GLUL: variants seen among roughly 807,000 people sequenced by gnomAD.
The protein encoded by GLUL is glutamate-ammonia ligase.
A neutral mutation model predicts 36.9 loss-of-function variants in GLUL; 8 were observed. That is an observed-to-expected ratio of 0.22 (90% CI 0.13 to 0.39). The LOEUF (loss-of-function observed/expected upper bound fraction) is 0.39. GLUL is among the 10% of genes least tolerant of loss of function. The pLI is 1.00. For missense variants in GLUL, 315 were observed against 501.8 expected (o/e 0.63, Z 3.56); for synonymous variants, 182 against 172.8 (o/e 1.05, Z -0.42).
In GLUL at chr1:182,387,112, T is replaced by A. The variant is rs17462824; in HGVS notation, c.328+19A>T. 1 of 1,591,416 alleles carries A rather than the reference T, an allele frequency of 6.3e-7. No individual in the cohort carries two copies. The highest frequency in any genetic ancestry group is 8.6e-7 in the Non-Finnish European group (1 of 1,159,722). ...TTCACAGATTGAGGAGGGGTATCCA[T>A]AGCTGTGCTATAACACACCTGCAGG... On this transcript the variant is annotated intron_variant, in intron 3 of 6. Coordinates refer to ENST00000331872, the MANE Select transcript of GLUL (RefSeq NM_001033044.4).
rs890819500 is a variant in GLUL at position 182,381,850 on chromosome 1, C to G, written c.*2555G>C. ...GGAAATAAGGGTATACATCATTTAA[C>G]AACAAAATCAAGAAAATGCTAAGGA... is the stretch of plus-strand genomic sequence containing the variant. On this transcript the variant is annotated 3_prime_UTR_variant, in exon 7 of 7. Transcript: ENST00000331872. 1 of 152,124 alleles carries G rather than the reference C, an allele frequency of 6.6e-6. No homozygotes were observed. Among genetic ancestry groups the G allele is most frequent in the Non-Finnish European group, 1.5e-5 (1 of 68,032 alleles). 9.4% of individuals were successfully genotyped at this position (152,124 alleles called of 1,614,324 possible). A position where few individuals can be genotyped will look rare whatever the true frequency, so the allele number is the denominator to read the frequency against.
chr1:182,386,472 G>A, intron 3 of GLUL, 70 bp from the exon 4 acceptor site: 2 of 1,131,696 alleles, frequency 1.8e-6, no homozygotes, highest in Non-Finnish European at 1.4e-6. Context: ...GATGCTGATG[G>A]GAGAATAGTC....
Position 182,382,031 on chromosome 1 carries a change from T to C in GLUL, c.*2374A>G, listed in dbSNP as rs774275913. On this transcript the variant is annotated 3_prime_UTR_variant, in exon 7 of 7. Coordinates refer to ENST00000331872, the MANE Select transcript of GLUL (RefSeq NM_001033044.4). ...GATATCTAGGATTACTTGACTAGTGTAAAATACACAGTTGCCTGAAGAACT... is the reference window on the plus strand; with the variant it reads ...GATATCTAGGATTACTTGACTAGTGCAAAATACACAGTTGCCTGAAGAACT... 1.6e-4 allele frequency: 24 copies of C among 152,182 alleles called. No individual in the cohort carries two copies. Among genetic ancestry groups the C allele is most frequent in the Non-Finnish European group, 3.2e-4 (22 of 68,052 alleles). 9.4% of individuals were successfully genotyped at this position (152,182 alleles called of 1,614,324 possible). A position where few individuals can be genotyped will look rare whatever the true frequency, so the allele number is the denominator to read the frequency against.
In GLUL at chr1:182,379,586, T is replaced by C. The variant is rs1649853083; in HGVS notation, c.*4819A>G. 6.6e-6 allele frequency among the ~76,000 whole-genome samples: 1 copy of C among 152,106 alleles called. No individual in the cohort carries two copies. Among genetic ancestry groups the C allele is most frequent in the Non-Finnish European group, 1.5e-5 (1 of 68,024 alleles). ...TTTTTTGAGACAGGGTCTCACTTTG[T>C]TGCCCAGACTGGAGGGCAGTGGCAC... is the stretch of plus-strand genomic sequence containing the variant. On this transcript the variant is annotated 3_prime_UTR_variant, in exon 7 of 7. Transcript: ENST00000331872.
At position 182,386,307 on chromosome 1, in the gene GLUL, T is replaced by G. The variant is rs768323027; in HGVS notation, c.424A>C (p.Thr142Pro). 4 of 1,613,470 alleles carry G rather than the reference T, an allele frequency of 2.5e-6. No individual in the cohort carries two copies. The African/African-American group carries it at 4.0e-5, about 16-fold the overall frequency. Reference sequence around the variant, plus strand: ...GGCCAACCAAAGGGGTGCCCATCTGTCCCCATGAGGGTATACTCCTGCTCC... The same window carrying G: ...GGCCAACCAAAGGGGTGCCCATCTGGCCCCATGAGGGTATACTCCTGCTCC... ...GMEQEYTLMG[T>P]DGHPFGWPSN... is the part of the protein sequence containing the mutation. The change falls in exon 4 of 7, where the codon ACA becomes CCA. Residue 142 changes from threonine (T) to proline (P), a missense_variant. Coordinates refer to ENST00000331872, the MANE Select transcript of GLUL (RefSeq NM_001033044.4).
At chr1:182,386,478 T>C (rs939899064) in intron 3 of GLUL, 76 bp from the exon 4 acceptor site, 81 of 1,095,768 alleles carry the variant, frequency 7.4e-5, no homozygotes, top group African/African-American at 1.7e-4. Flanking sequence ...GATGGGAGAA[T>C]AGTCCTTGGA....
At position 182,386,314 on chromosome 1, in the gene GLUL, G is replaced by A. The variant is rs921786395; in HGVS notation, c.417C>T (p.Leu139=). 3.1e-6 allele frequency: 5 copies of A among 1,613,170 alleles called. No homozygotes were observed. Among genetic ancestry groups the A allele is most frequent in the Admixed American group, 1.7e-5 (1 of 60,004 alleles). ...CAAAGGGGTGCCCATCTGTCCCCAT[G>A]AGGGTATACTCCTGCTCCATGCCAA... The part of the protein sequence containing the change: ...PWFGMEQEYT[L]MGTDGHPFGW... Residue 139 remains leucine, a synonymous_variant, in exon 4 of 7, where the codon CTC becomes CTT. Transcript: ENST00000331872.
rs1310816615 is a variant in GLUL at position 182,383,199 on chromosome 1, G to A, written c.*1206C>T. On this transcript the variant is annotated 3_prime_UTR_variant, in exon 7 of 7. Transcript: ENST00000331872. The stretch of plus-strand genomic sequence containing the variant: ...CCAGCCCTGTCCCCATCTCCTCCAA[G>A]AGCAGAGGTAGGAGACAGTTGAAGC... 2 of 152,154 alleles carry A rather than the reference G, an allele frequency of 1.3e-5. No individual in the cohort carries two copies. Among genetic ancestry groups the A allele is most frequent in the Non-Finnish European group, 2.9e-5 (2 of 68,026 alleles). 9.4% of individuals were successfully genotyped at this position (152,154 alleles called of 1,614,324 possible). A position where few individuals can be genotyped will look rare whatever the true frequency, so the allele number is the denominator to read the frequency against.
intron 1 of GLUL, chr1:182,390,675 A>C: frequency 2.5e-6 from 1 of 399,244 alleles, no homozygotes; most frequent in East Asian, 3.6e-5. Flanking sequence ...GTGTCCGAAC[A>C]GGCAGGTTGG....
intron 1 of GLUL, chr1:182,390,621 G>A: frequency 2.5e-6 from 1 of 399,448 alleles, no homozygotes. Context: ...AGCTTTCTGG[G>A]AGAGGGCGAT....
In GLUL at chr1:182,381,909, G is replaced by A. The variant is rs1465159842; in HGVS notation, c.*2496C>T. 10 of 152,176 alleles carry A rather than the reference G, an allele frequency of 6.6e-5. No homozygotes were observed. The highest frequency in any genetic ancestry group is 1.9e-4 in the African/African-American group (8 of 41,446). 9.4% of individuals were successfully genotyped at this position (152,176 alleles called of 1,614,324 possible). On this transcript the variant is annotated 3_prime_UTR_variant, in exon 7 of 7. Coordinates refer to ENST00000331872, the MANE Select transcript of GLUL (RefSeq NM_001033044.4). ...GGTACTCAACAATCATGCTGAAACA[G>A]GCATAAACTAGGACCACGCCAGCAA...
chr1:182,390,595 C>G (rs1650369109), intron 1 of GLUL: 2 of 399,210 alleles, frequency 5.0e-6, no homozygotes, highest in East Asian at 7.1e-5. Flanking sequence ...CAGACTCTAG[C>G]TGGTCCAAGC....
rs1314297248 is a variant in GLUL at position 182,386,407 on chromosome 1, A to G, written c.329-5T>C. The G allele has an allele frequency of 1.4e-5, 23 of 1,603,134 alleles. No individual in the cohort carries two copies. The highest frequency in any genetic ancestry group is 8.5e-7 in the Non-Finnish European group (1 of 1,170,134). ...AGGTGTGCCTCAAATTGGTCTCTAGAAAAAAGAGTCAATAATACGCCATCA... is the reference window on the plus strand; with the variant it reads ...AGGTGTGCCTCAAATTGGTCTCTAGGAAAAAGAGTCAATAATACGCCATCA... On this transcript the variant is annotated splice_region_variant and splice_polypyrimidine_tract_variant and intron_variant, in intron 3 of 6. Transcript: ENST00000331872.
intron 3 of GLUL, 120 bp downstream of exon 3, chr1:182,387,011 T>C: frequency 1.2e-6 from 1 of 817,232 alleles, no homozygotes; most frequent in South Asian, 1.4e-5. Context: ...ATCACTCAGA[T>C]TCTTAAAATA....
At chr1:182,384,924 G>A (rs1278670651) in intron 6 of GLUL, 2 of 613,386 alleles carry the variant, frequency 3.3e-6, no homozygotes, top group East Asian at 2.8e-5. Flanking sequence ...CTAATCATTT[G>A]AAACTTTCTC....
At chr1:182,385,275 G>C (rs1650123161) in intron 6 of GLUL, 82 bp downstream of exon 6, 5 of 1,054,962 alleles carry the variant, frequency 4.7e-6, no homozygotes, top group African/African-American at 1.6e-5. Flanking sequence ...CTGCAAAGGA[G>C]ACTTTGCTGA....
At chr1:182,390,434 G>T (rs1025346479) in intron 1 of GLUL, 9 of 398,536 alleles carry the variant, frequency 2.3e-5, no homozygotes, top group Middle Eastern at 1.3e-3. Flanking sequence ...GGATTCTGAA[G>T]TTTTCAGCAG....
chr1:182,390,555 T>C (rs1227172842), intron 1 of GLUL: 1 of 399,034 alleles, frequency 2.5e-6, no homozygotes, highest in African/African-American at 2.1e-5. Context: ...CTTCTCTTTT[T>C]GGAGTGGCGT....
At chr1:182,385,960 C>T in intron 4 of GLUL, 73 bp from the exon 5 acceptor site, 1 of 1,463,132 alleles carries the variant, frequency 6.8e-7, no homozygotes, top group East Asian at 2.3e-5. Flanking sequence ...ATCAGAAGGC[C>T]CTTAAGCCTT....
Sources: allele counts gnomAD v4.1 joint callset (sites outside exome capture counted in the v4.1 genomes callset), GRCh38; gene constraint gnomAD v4.1.1; transcripts MANE v1.5; gene names NCBI Gene and HGNC (gene_info 2026-07-23, HGNC 2026-07-21).